The following DCAF8L2 variants were observed in gnomAD, a reference collection of about 807,000 sequenced individuals.
DCAF8L2 encodes DDB1 and CUL4 associated factor 8 like 2, also known as DDB1- and CUL4-associated factor 8-like protein 2.
For synonymous variants in DCAF8L2, 200 were observed against 190.9 expected (o/e 1.05, Z -0.39); for missense variants, 430 against 490.7 (o/e 0.88, Z 1.17).
At chrX:27,726,613 T>A (rs1280097257) in intron 4 of DCAF8L2, among the ~76,000 whole-genome samples, 2 of 111,534 alleles carry the variant, frequency 1.8e-5, no homozygotes, top group Non-Finnish European at 3.8e-5. Context: ...ATGACTGTCC[T>A]GCCTTCCAAC....
the DCAF8L2 span, among the ~76,000 whole-genome samples, chrX:27,555,019 C>A: frequency 1.8e-5 from 2 of 111,380 alleles, no homozygotes; most frequent in Non-Finnish European, 3.8e-5. Flanking sequence ...AATGAATCAG[C>A]CAATCCCAGT....
chrX:27,521,909 C>T, the DCAF8L2 span, among the ~76,000 whole-genome samples: 1 of 112,138 alleles, frequency 8.9e-6, no homozygotes, highest in Non-Finnish European at 1.9e-5. Context: ...TTCAAGAAAT[C>T]TCCTTGTAGA....
At chrX:27,653,113 A>C (rs1481029697) in intron 2 of DCAF8L2, among the ~76,000 whole-genome samples, 1 of 111,885 alleles carries the variant, frequency 8.9e-6, no homozygotes, top group Non-Finnish European at 1.9e-5. Context: ...ATTTGATGGG[A>C]TGCACTGCGT....
chrX:27,587,975 T>TAAAAAAA (rs531576238), upstream of DCAF8L2, among the ~76,000 whole-genome samples: 8 of 25,505 alleles, frequency 3.1e-4, no homozygotes, highest in African/African-American at 7.8e-4. Flanking sequence ...GTACTTCCAT[T>TAAAAAAA]AAAAAAAAAA....
chrX:27,529,365 T>G, the DCAF8L2 span, among the ~76,000 whole-genome samples: 2 of 111,172 alleles, frequency 1.8e-5, no homozygotes, highest in Admixed American at 9.7e-5. Flanking sequence ...ATTGATAATA[T>G]GCATCAGTGT....
intron 1 of DCAF8L2, among the ~76,000 whole-genome samples, chrX:27,626,040 T>G (rs1927992578): frequency 9.0e-6 from 1 of 110,502 alleles, no homozygotes; most frequent in Admixed American, 9.7e-5. Context: ...ACTTGAAAAA[T>G]AAATAAGTAA....
intron 4 of DCAF8L2, among the ~76,000 whole-genome samples, chrX:27,743,373 G>C (rs1415010195): frequency 9.0e-6 from 1 of 111,075 alleles, no homozygotes; most frequent in Non-Finnish European, 1.9e-5. Context: ...CATAGCAAAA[G>C]GGGACATGTG....
chrX:27,543,090 G>T, the DCAF8L2 span, among the ~76,000 whole-genome samples: 1 of 111,976 alleles, frequency 8.9e-6, no homozygotes, highest in African/African-American at 3.2e-5. Flanking sequence ...TGTTTCTTAG[G>T]TTTTCTTCTA....
At chrX:27,654,689 G>A (rs1929283957) in intron 2 of DCAF8L2, among the ~76,000 whole-genome samples, 1 of 111,527 alleles carries the variant, frequency 9.0e-6, no homozygotes, top group South Asian at 3.7e-4. Context: ...TTTTTTCAGT[G>A]TGTCACACTG....
chrX:27,596,689 C>A (rs886358172), intron 1 of DCAF8L2, among the ~76,000 whole-genome samples: 1 of 111,040 alleles, frequency 9.0e-6, no homozygotes, highest in Non-Finnish European at 1.9e-5. Flanking sequence ...AGAAGAATCC[C>A]ATAAAAACAA....
the DCAF8L2 span, among the ~76,000 whole-genome samples, chrX:27,530,752 C>G: frequency 9.3e-4 from 104 of 111,941 alleles, no homozygotes; most frequent in Middle Eastern, 4.6e-3. Context: ...TACACTCACT[C>G]ATTGAATTGA....
chrX:27,660,363 G>T (rs1415292563), intron 2 of DCAF8L2, among the ~76,000 whole-genome samples: 1 of 111,562 alleles, frequency 9.0e-6, no homozygotes, highest in East Asian at 2.8e-4. Flanking sequence ...TTTAACAGTT[G>T]CTTCTTCTAA....
At chrX:27,613,821 A>G (rs1473181833) in intron 1 of DCAF8L2, among the ~76,000 whole-genome samples, 1 of 111,093 alleles carries the variant, frequency 9.0e-6, no homozygotes, top group South Asian at 3.9e-4. Flanking sequence ...CTTGGTGGAT[A>G]AGCTTTTTGA....
chrX:27,745,218 T>C (rs1031732721), intron 4 of DCAF8L2, among the ~76,000 whole-genome samples: 3 of 112,450 alleles, frequency 2.7e-5, no homozygotes, highest in Non-Finnish European at 3.8e-5. Context: ...AAGATATAAA[T>C]ATTGCCAAGA....
At chrX:27,558,971 T>C in the DCAF8L2 span, among the ~76,000 whole-genome samples, 1 of 110,747 alleles carries the variant, frequency 9.0e-6, no homozygotes, top group Non-Finnish European at 1.9e-5. Context: ...CCAAATCTCA[T>C]CTCAAATTGT....
At chrX:27,582,706 A>T in the DCAF8L2 span, among the ~76,000 whole-genome samples, 1 of 110,837 alleles carries the variant, frequency 9.0e-6, no homozygotes, top group African/African-American at 3.3e-5. Flanking sequence ...TCACCCTTTC[A>T]CAGTCAGGGA....
chrX:27,664,950 G>T (rs1442572082), intron 2 of DCAF8L2, among the ~76,000 whole-genome samples: 1 of 111,268 alleles, frequency 9.0e-6, no homozygotes, highest in East Asian at 2.8e-4. Flanking sequence ...AATGCACCTA[G>T]TTACCCAAGA....
chrX:27,695,681 C>T (rs1930867498), intron 3 of DCAF8L2, among the ~76,000 whole-genome samples: 2 of 111,484 alleles, frequency 1.8e-5, no homozygotes, highest in African/African-American at 6.5e-5. Flanking sequence ...TAATAACCTT[C>T]TCTATAATTA....
At chrX:27,490,697 T>C in the DCAF8L2 span, among the ~76,000 whole-genome samples, 1 of 111,068 alleles carries the variant, frequency 9.0e-6, no homozygotes, top group Non-Finnish European at 1.9e-5. Context: ...CCTGACCTTA[T>C]AATCCGCCCA....
Sources: gnomAD v4.1 joint callset for allele counts (sites outside exome capture counted in the v4.1 genomes callset) on GRCh38, gnomAD v4.1.1 for gene constraint, MANE v1.5 for transcripts, NCBI Gene and HGNC (gene_info 2026-07-23, HGNC 2026-07-21) for gene names.